PACRG: variants seen among roughly 807,000 people sequenced by gnomAD.
The protein encoded by PACRG is parkin coregulated gene protein.
PACRG carries 29 observed loss-of-function variants against 29.7 expected under a neutral mutation model. The ratio of observed to expected loss-of-function variants is 0.98; its 90% CI spans 0.73 to 1.33. The LOEUF is 1.33. Among genes scored for constraint, PACRG ranks in the 40% most tolerant of loss-of-function variants. PACRG has a pLI of 0.00. For missense variants in PACRG, 279 were observed against 316.2 expected (o/e 0.88, Z 0.89); for synonymous variants, 116 against 118.7 (o/e 0.98, Z 0.15).
At chr6:163,122,268 A>G (rs1485356740) in intron 4 of PACRG, among the ~76,000 whole-genome samples, 1 of 139,598 alleles carries the variant, frequency 7.2e-6, no homozygotes, top group Non-Finnish European at 1.6e-5. Context: ...GTCCATCTTC[A>G]TTCTGCTTTA....
Position 162,777,299 on chromosome 6 carries a change from GTTCCCTGTGGCACC to G in PACRG, c.157-36844_157-36831del, listed in dbSNP as rs1409257800. The stretch of plus-strand genomic sequence containing the variant: ...CCATGTGCTCACAGGCCTCTGCTGT[GTTCCCTGTGGCACC>G]TTCGCAGACTGAGTGGCTTGGCATT... On this transcript the variant is annotated intron_variant, in intron 1 of 4. Coordinates refer to ENST00000366888, the MANE Select transcript of PACRG (RefSeq NM_001080379.2). This position sits in a 1 kb window ranked among gnomAD's most constrained non-coding sequence, Gnocchi z 4.0. Among the ~76,000 whole-genome samples the G allele has an allele frequency of 6.6e-6, 1 of 152,200 alleles. No individual in the cohort carries two copies. The highest frequency in any genetic ancestry group is 2.4e-5 in the African/African-American group (1 of 41,446).
intron 1 of PACRG, among the ~76,000 whole-genome samples, chr6:162,787,430 T>TAC (rs1490752411): frequency 6.6e-6 from 1 of 151,126 alleles, no homozygotes; most frequent in Non-Finnish European, 1.5e-5. Flanking sequence ...CATATATATA[T>TAC]ACACACACAT....
chr6:163,116,208 C>T (rs1815982104), intron 4 of PACRG, among the ~76,000 whole-genome samples: 1 of 152,142 alleles, frequency 6.6e-6, no homozygotes. Flanking sequence ...AACTTACAAT[C>T]GTGGCAAAAG....
intron 4 of PACRG, among the ~76,000 whole-genome samples, chr6:163,235,934 G>GTT (rs1029845848): frequency 2.6e-5 from 4 of 151,166 alleles, no homozygotes; most frequent in Admixed American, 6.6e-5. Flanking sequence ...GAAAAAAGTT[G>GTT]TTTTTTTTGT....
At chr6:162,848,045 C>T (rs1790554845) in intron 2 of PACRG, among the ~76,000 whole-genome samples, 1 of 152,132 alleles carries the variant, frequency 6.6e-6, no homozygotes. Context: ...GTGAGGACAG[C>T]GGGAGCTACA....
Position 162,728,323 on chromosome 6 carries a change from C to T in PACRG, c.88C>T (p.Pro30Ser). The T allele has an allele frequency of 1.2e-6, 2 of 1,614,014 alleles. No individual in the cohort carries two copies. Among genetic ancestry groups the T allele is most frequent in the South Asian group, 2.2e-5 (2 of 91,088 alleles). ...RTKLLAQQPL[P>S]VHQPHSLVSE... ...CAAGCTGCTGGCACAACAGCCGCTC[C>T]CGGTGCACCAGCCTCACTCTCTGGT... Residue 30 changes from proline (P) to serine (S), a missense_variant, in exon 1 of 5, where the codon CCG becomes TCG. By Grantham distance (74) the Pro-to-Ser change is moderately conservative. Coordinates refer to ENST00000366888, the MANE Select transcript of PACRG (RefSeq NM_001080379.2).
intron 4 of PACRG, chr6:163,190,821 A>G: frequency 5.2e-6 from 2 of 381,390 alleles, no homozygotes; most frequent in South Asian, 3.9e-5. Context: ...AAACAACTTA[A>G]CAACTTCGTC....
chr6:162,732,835 C>A (rs866293126), intron 1 of PACRG, among the ~76,000 whole-genome samples: 2 of 152,258 alleles, frequency 1.3e-5, no homozygotes, highest in African/African-American at 4.8e-5. Flanking sequence ...TGGAGCTTCC[C>A]AATTCTTATA....
chr6:163,093,967 A>C (rs1814343311), intron 4 of PACRG, among the ~76,000 whole-genome samples: 1 of 152,238 alleles, frequency 6.6e-6, no homozygotes, highest in Non-Finnish European at 1.5e-5. Context: ...TCTAAGAAAT[A>C]GAAGTAATTA....
intron 1 of PACRG, among the ~76,000 whole-genome samples, chr6:162,786,217 A>G (rs1463653070): frequency 1.3e-5 from 2 of 152,216 alleles, no homozygotes; most frequent in East Asian, 3.9e-4. Context: ...GCTTTGAGGT[A>G]TAAACAGTGC....
At chr6:163,259,418 C>T (rs892277576) in intron 4 of PACRG, among the ~76,000 whole-genome samples, 6 of 152,160 alleles carry the variant, frequency 3.9e-5, no homozygotes, top group Non-Finnish European at 7.3e-5. Context: ...TTAGTGGTAT[C>T]GTCCTGTGTC....
At chr6:162,989,587 T>A (rs1164757068) in intron 2 of PACRG, among the ~76,000 whole-genome samples, 2 of 152,096 alleles carry the variant, frequency 1.3e-5, no homozygotes, top group African/African-American at 4.8e-5. Context: ...GTTTAGGAAA[T>A]CATAACCAAA....
At chr6:163,066,566 A>C (rs1811564452) in intron 3 of PACRG, among the ~76,000 whole-genome samples, 1 of 152,228 alleles carries the variant, frequency 6.6e-6, no homozygotes, top group Admixed American at 6.5e-5. Context: ...TAAAAATCCC[A>C]GGAAAACTGG....
intron 2 of PACRG, among the ~76,000 whole-genome samples, chr6:163,049,669 A>G (rs866725721): frequency 1.4e-4 from 21 of 152,258 alleles, no homozygotes; most frequent in Middle Eastern, 3.4e-3. Context: ...AAGGATATAC[A>G]AATGACCTTC....
At position 163,046,158 on chromosome 6, in the gene PACRG, C is replaced by G. The variant is rs1809349017; in HGVS notation, c.292-15992C>G. 4.6e-5 allele frequency among the ~76,000 whole-genome samples: 7 copies of G among 151,134 alleles called. No homozygotes were observed. In the South Asian group the frequency reaches 1.5e-3, roughly 32 times the overall value. Reference sequence around the variant, plus strand: ...AACGAGCCACTGTATCTTGACTATGCTGTGCTCCCCTCTGTGCCATCACTC... The same window carrying G: ...AACGAGCCACTGTATCTTGACTATGGTGTGCTCCCCTCTGTGCCATCACTC... On this transcript the variant is annotated intron_variant, in intron 2 of 4. Transcript: ENST00000366888.
chr6:162,888,067 G>T (rs927532288), intron 2 of PACRG, among the ~76,000 whole-genome samples: 8 of 152,112 alleles, frequency 5.3e-5, no homozygotes, highest in Non-Finnish European at 1.0e-4. Context: ...GGAGATGAAC[G>T]TCGTGTCCTC....
chr6:162,741,437 C>T (rs1375818109), intron 1 of PACRG, among the ~76,000 whole-genome samples: 7 of 152,114 alleles, frequency 4.6e-5, no homozygotes, highest in South Asian at 2.1e-4. Context: ...GGCTCTCTTC[C>T]GTGCTTGCAG....
rs576645702 is a variant in PACRG, at chr6:162,810,596, A to G, written c.157-3551A>G. Among the ~76,000 whole-genome samples the G allele has an allele frequency of 3.9e-5, 6 of 152,314 alleles. No individual in the cohort carries two copies. In the South Asian group the frequency reaches 1.2e-3, roughly 32 times the overall value. ...GTGGAAAGTCTCAGAAAAGAAATAGACGATATAAAGATGAACCAAATAGAA... is the reference window on the plus strand; with the variant it reads ...GTGGAAAGTCTCAGAAAAGAAATAGGCGATATAAAGATGAACCAAATAGAA... On this transcript the variant is annotated intron_variant, in intron 1 of 4. Transcript: ENST00000366888.
At chr6:162,929,790 T>A (rs1009298347) in intron 2 of PACRG, among the ~76,000 whole-genome samples, 1 of 152,026 alleles carries the variant, frequency 6.6e-6, no homozygotes, top group Non-Finnish European at 1.5e-5. Flanking sequence ...TTCATTCTTC[T>A]GCACACACAT....
Sources: gnomAD v4.1 joint callset for allele counts (sites outside exome capture counted in the v4.1 genomes callset) on GRCh38, gnomAD v4.1.1 for gene constraint, Gnocchi (gnomAD v3.1) non-coding constraint, MANE v1.5 for transcripts, NCBI Gene and HGNC (gene_info 2026-07-23, HGNC 2026-07-21) for gene names.